The following EPC2 variants were observed in gnomAD, a reference collection of about 807,000 sequenced individuals.
The protein encoded by EPC2 is enhancer of polycomb 2.
In EPC2, 14 loss-of-function variants were observed where a neutral mutation model predicts 92.1. The observed-to-expected ratio is 0.15, with a 90% CI of 0.10 to 0.24. The LOEUF (loss-of-function observed/expected upper bound fraction) is 0.24, where lower values mean the gene tolerates loss of function less well. EPC2 is among the 10% of genes least tolerant of loss of function. The pLI, the probability that EPC2 is intolerant of heterozygous loss-of-function variation, is 1.00. For missense variants in EPC2, 755 were observed against 971.5 expected (o/e 0.78, Z 2.96); for synonymous variants, 340 against 334.7 (o/e 1.02, Z -0.17).
chr2:148,769,011 AT>A (rs887820096), intron 7 of EPC2, 139 bp from the exon 8 acceptor site: 53 of 610,928 alleles, frequency 8.7e-5, no homozygotes, highest in South Asian at 7.6e-4. Flanking sequence ...TAGTCATTGA[AT>A]GTTTTGGGGA....
Position 148,710,849 on chromosome 2 carries a change from G to GT in EPC2, c.313+20478dup, listed in dbSNP as rs202017714. ...CATCACACACCGGGGCCTGTTGTGG[G>GT]TTGGGGGGAGTGGGGAGGGATGGCA... On this transcript the variant is annotated intron_variant, in intron 2 of 13. Coordinates refer to ENST00000258484, the MANE Select transcript of EPC2 (RefSeq NM_015630.4). 2.0e-5 allele frequency among the ~76,000 whole-genome samples: 3 copies of GT among 152,158 alleles called. No individual in the cohort carries two copies. The East Asian group carries it at 5.8e-4, about 29-fold the overall frequency.
intron 2 of EPC2, among the ~76,000 whole-genome samples, chr2:148,722,645 C>T (rs1041149313): frequency 6.6e-6 from 1 of 152,168 alleles, no homozygotes; most frequent in Admixed American, 6.6e-5. Flanking sequence ...AGCAGAATTA[C>T]CATTCAACCC....
intron 1 of EPC2, among the ~76,000 whole-genome samples, chr2:148,680,981 A>C (rs1269754915): frequency 6.6e-6 from 1 of 152,232 alleles, no homozygotes; most frequent in Admixed American, 6.6e-5. Context: ...GGACTGCTTC[A>C]GATGAGACAT....
chr2:148,783,815 A>T lies in EPC2; in HGVS notation c.2017+59A>T, dbSNP rs1463114358. 8 of 1,510,014 alleles carry T rather than the reference A, an allele frequency of 5.3e-6. No homozygotes were observed. In the East Asian group the frequency reaches 2.0e-4, roughly 37 times the overall value. 93.5% of individuals were successfully genotyped at this position (1,510,014 alleles called of 1,614,324 possible). On this transcript the variant is annotated intron_variant, in intron 12 of 13. Coordinates refer to ENST00000258484, the MANE Select transcript of EPC2 (RefSeq NM_015630.4). ...TTGAAGTTGTAACTCAGTGATTGGGAGTTTGTTTTTTGTTTTTTTATCCAA... is the reference window on the plus strand; with the variant it reads ...TTGAAGTTGTAACTCAGTGATTGGGTGTTTGTTTTTTGTTTTTTTATCCAA...
chr2:148,663,038 T>G (rs13026690), intron 1 of EPC2, among the ~76,000 whole-genome samples: 21,057 of 151,322 alleles, frequency 0.14, 2,422 homozygotes, highest in East Asian at 0.46. Flanking sequence ...GTCAAACATC[T>G]AGCTCAATAT....
chr2:148,695,014 G>A (rs1249884701), intron 2 of EPC2, among the ~76,000 whole-genome samples: 4 of 152,182 alleles, frequency 2.6e-5, no homozygotes, highest in Non-Finnish European at 4.4e-5. Context: ...CTCATGATCC[G>A]TGATCTGCCC....
intron 8 of EPC2, among the ~76,000 whole-genome samples, chr2:148,770,476 C>T (rs1024162004): frequency 6.6e-6 from 1 of 152,160 alleles, no homozygotes; most frequent in Non-Finnish European, 1.5e-5. Context: ...ATTTCACCAT[C>T]TCTACTTTGT....
At chr2:148,696,772 A>G (rs1240497617) in intron 2 of EPC2, among the ~76,000 whole-genome samples, 8 of 152,164 alleles carry the variant, frequency 5.3e-5, no homozygotes, top group East Asian at 1.9e-4. Context: ...TGATTCTCCA[A>G]TGATGCCACA....
At chr2:148,645,888 C>G (rs1683789459) in intron 1 of EPC2, among the ~76,000 whole-genome samples, 1 of 152,258 alleles carries the variant, frequency 6.6e-6, no homozygotes, top group Non-Finnish European at 1.5e-5. Flanking sequence ...TGCCCGGAAG[C>G]GAGCCGCCGG....
chr2:148,671,549 G>C (rs1339942280), intron 1 of EPC2, among the ~76,000 whole-genome samples: 1 of 152,100 alleles, frequency 6.6e-6, no homozygotes, highest in African/African-American at 2.4e-5. Context: ...GGGAGGTGGG[G>C]GTTTCAGCGA....
chr2:148,768,546 T>C (rs1296638754), intron 7 of EPC2, among the ~76,000 whole-genome samples: 2 of 152,202 alleles, frequency 1.3e-5, no homozygotes, highest in Non-Finnish European at 2.9e-5. Flanking sequence ...ATAACCAATG[T>C]GCTTACTTTA....
At chr2:148,713,390 T>C (rs1682194333) in intron 2 of EPC2, among the ~76,000 whole-genome samples, 1 of 152,214 alleles carries the variant, frequency 6.6e-6, no homozygotes, top group Non-Finnish European at 1.5e-5. Flanking sequence ...AATAAGAATT[T>C]ACAGAAAATA....
At chr2:148,730,123 A>G (rs974622217) in intron 2 of EPC2, among the ~76,000 whole-genome samples, 4 of 152,198 alleles carry the variant, frequency 2.6e-5, no homozygotes, top group African/African-American at 9.6e-5. Flanking sequence ...GTCAATTGGT[A>G]GAGGTGGGAG....
At chr2:148,656,536 A>G (rs1483743769) in intron 1 of EPC2, among the ~76,000 whole-genome samples, 1 of 152,192 alleles carries the variant, frequency 6.6e-6, no homozygotes, top group African/African-American at 2.4e-5. Context: ...GGCAAGCCAG[A>G]TATTTCATAT....
chr2:148,737,288 A>G (rs746115118), intron 2 of EPC2, among the ~76,000 whole-genome samples: 3 of 152,130 alleles, frequency 2.0e-5, no homozygotes, highest in Non-Finnish European at 2.9e-5. Context: ...ATTTTTTTCA[A>G]CACGTTATTT....
intron 6 of EPC2, among the ~76,000 whole-genome samples, chr2:148,763,272 T>A (rs974961971): frequency 3.9e-5 from 6 of 152,284 alleles, no homozygotes; most frequent in Admixed American, 6.5e-5. Flanking sequence ...GTTATCTACC[T>A]TGAGTGACTT....
chr2:148,689,858 T>C (rs1681609405), intron 1 of EPC2, among the ~76,000 whole-genome samples: 3 of 152,244 alleles, frequency 2.0e-5, no homozygotes, highest in Admixed American at 2.0e-4. Flanking sequence ...CAAATTTATT[T>C]CCTGTAATTT....
chr2:148,742,474 GGT>G (rs147171806), intron 2 of EPC2, among the ~76,000 whole-genome samples: 27,714 of 151,938 alleles, frequency 0.18, 3,251 homozygotes, highest in East Asian at 0.49. Context: ...TTCTTGGCTG[GGT>G]GTGTGGTGGC....
chr2:148,688,875 GA>G (rs1258563237), intron 1 of EPC2, among the ~76,000 whole-genome samples: 12 of 152,172 alleles, frequency 7.9e-5, no homozygotes, highest in Admixed American at 2.0e-4. Flanking sequence ...GCTAGGGGGA[GA>G]GGGGCAGTAA....
Sources: gnomAD v4.1 joint callset for allele counts (sites outside exome capture counted in the v4.1 genomes callset) on GRCh38, gnomAD v4.1.1 for gene constraint, MANE v1.5 for transcripts, NCBI Gene and HGNC (gene_info 2026-07-23, HGNC 2026-07-21) for gene names.